The following SORCS1 variants were observed in gnomAD, a reference collection of about 807,000 sequenced individuals.
The protein encoded by SORCS1 is sortilin related VPS10 domain containing receptor 1.
In SORCS1, 60 loss-of-function variants were observed where a neutral mutation model predicts 146.1. The observed-to-expected ratio is 0.41, with a 90% CI of 0.33 to 0.51. SORCS1 has a LOEUF of 0.51. SORCS1 is among the 20% of genes least tolerant of loss of function. The pLI is 0.21. For synonymous variants in SORCS1, 637 were observed against 584.0 expected (o/e 1.09, Z -1.31); for missense variants, 1,352 against 1,487.6 (o/e 0.91, Z 1.50).
At chr10:106,719,033 TC>T (rs1589730559) in intron 6 of SORCS1, among the ~76,000 whole-genome samples, 1 of 152,104 alleles carries the variant, frequency 6.6e-6, no homozygotes, top group East Asian at 1.9e-4. Context: ...GTTCTCCAAG[TC>T]CCCACCCAAT....
At chr10:107,180,964 G>T in the SORCS1 span, among the ~76,000 whole-genome samples, 1 of 152,160 alleles carries the variant, frequency 6.6e-6, no homozygotes, top group Admixed American at 6.5e-5. Flanking sequence ...TAACACAATG[G>T]TAAGTATTTG....
At chr10:106,640,874 T>C (rs935571305) in intron 18 of SORCS1, among the ~76,000 whole-genome samples, 2 of 152,256 alleles carry the variant, frequency 1.3e-5, no homozygotes, top group East Asian at 3.8e-4. Context: ...ATGTCCGGCA[T>C]CTTAGACTCA....
intron 2 of SORCS1, among the ~76,000 whole-genome samples, chr10:106,948,961 CA>C (rs564056151): frequency 4.7e-4 from 64 of 136,152 alleles, no homozygotes; most frequent in Non-Finnish European, 4.7e-4. Context: ...ACTCTGTATC[CA>C]AAAAAAAAAA....
intron 3 of SORCS1, among the ~76,000 whole-genome samples, chr10:106,795,026 G>A (rs1398521459): frequency 1.3e-5 from 2 of 152,284 alleles, no homozygotes; most frequent in East Asian, 3.9e-4. Flanking sequence ...TATGAAATGA[G>A]GCTAACAATA....
At chr10:107,097,159 G>C (rs1487793540) in intron 1 of SORCS1, among the ~76,000 whole-genome samples, 4 of 152,174 alleles carry the variant, frequency 2.6e-5, no homozygotes, top group African/African-American at 9.6e-5. Context: ...TTTCAATAAA[G>C]GAACTGAATA....
chr10:106,909,845 C>T (rs954539649), intron 2 of SORCS1, among the ~76,000 whole-genome samples: 82 of 152,176 alleles, frequency 5.4e-4, no homozygotes, highest in African/African-American at 1.9e-3. Flanking sequence ...CAAATGATAC[C>T]TATCCACCCA....
chr10:106,598,385 C>T (rs2133323667), intron 23 of SORCS1, among the ~76,000 whole-genome samples: 1 of 151,942 alleles, frequency 6.6e-6, no homozygotes, highest in African/African-American at 2.4e-5. Flanking sequence ...CCTCAGCCTC[C>T]TGAGTAGTTG....
intron 23 of SORCS1, among the ~76,000 whole-genome samples, chr10:106,598,153 G>A (rs1346989306): frequency 6.6e-6 from 1 of 151,836 alleles, no homozygotes; most frequent in African/African-American, 2.4e-5. Context: ...TCTGTTTAGA[G>A]TAGAAAACCT....
At chr10:106,703,466 G>C (rs1854278393) in intron 8 of SORCS1, among the ~76,000 whole-genome samples, 1 of 152,156 alleles carries the variant, frequency 6.6e-6, no homozygotes, top group Admixed American at 6.5e-5. Context: ...TGGGTTCCCA[G>C]CAAGTTAAAA....
At chr10:106,712,436 C>A (rs962142623) in intron 6 of SORCS1, among the ~76,000 whole-genome samples, 1 of 152,016 alleles carries the variant, frequency 6.6e-6, no homozygotes, top group Non-Finnish European at 1.5e-5. Context: ...GATAAGAACT[C>A]GGATAAAACA....
chr10:106,993,889 A>G (rs1205746539), intron 1 of SORCS1, among the ~76,000 whole-genome samples: 1 of 152,002 alleles, frequency 6.6e-6, no homozygotes, highest in African/African-American at 2.4e-5. Flanking sequence ...CCTGGGCAAC[A>G]TGGTGAAACC....
At chr10:106,944,719 A>C (rs1011275133) in intron 2 of SORCS1, among the ~76,000 whole-genome samples, 5 of 152,130 alleles carry the variant, frequency 3.3e-5, no homozygotes, top group African/African-American at 1.2e-4. Context: ...CACAGAAAAT[A>C]AGACAGACAA....
At chr10:106,619,117 T>C (rs1327494119) in intron 20 of SORCS1, among the ~76,000 whole-genome samples, 1 of 152,130 alleles carries the variant, frequency 6.6e-6, no homozygotes, top group East Asian at 1.9e-4. Flanking sequence ...CTTGAGAATC[T>C]GGTTTTCTTT....
At chr10:106,680,607 G>A (rs1223388272) in intron 10 of SORCS1, among the ~76,000 whole-genome samples, 1 of 152,158 alleles carries the variant, frequency 6.6e-6, no homozygotes, top group Non-Finnish European at 1.5e-5. Context: ...CAAATTATCT[G>A]ATTGAAATAT....
intron 1 of SORCS1, among the ~76,000 whole-genome samples, chr10:106,992,201 C>G (rs1226319409): frequency 7.2e-5 from 11 of 152,134 alleles, no homozygotes; most frequent in Admixed American, 7.2e-4. Context: ...CTTAAAAGCA[C>G]AGGCATGGTG....
At chr10:107,091,425 T>C (rs867247294) in intron 1 of SORCS1, among the ~76,000 whole-genome samples, 4 of 152,210 alleles carry the variant, frequency 2.6e-5, no homozygotes, top group Admixed American at 6.5e-5. Flanking sequence ...AGGAGGAGGA[T>C]GGCTGAGATT....
chr10:106,652,397 C>A lies in SORCS1; in HGVS notation c.2460G>T (p.Met820Ile), dbSNP rs979629140. The A allele has an allele frequency of 2.5e-6, 4 of 1,613,912 alleles. No individual in the cohort carries two copies. The highest frequency in any genetic ancestry group is 3.4e-6 in the Non-Finnish European group (4 of 1,179,942). Residue 820 changes from methionine (M) to isoleucine (I), a missense_variant, in exon 18 of 26, where the codon ATG (methionine) becomes ATT (isoleucine). This residue lies in a region of SORCS1 where 648 missense variants were observed against 793.8 expected (regional missense o/e 0.82). Transcript: ENST00000263054. Reference sequence around the variant, plus strand: ...TCAGTCCTACCTCTTCTAATTGCACCATGAGAGTGACGTTGTGTCCTTGTT... The same window carrying A: ...TCAGTCCTACCTCTTCTAATTGCACAATGAGAGTGACGTTGTGTCCTTGTT... Reference protein sequence around the residue: ...TAEQGHNVTLMVQLEEGDVQR... With the variant: ...TAEQGHNVTLIVQLEEGDVQR...
chr10:106,782,459 C>T (rs1417302432), intron 3 of SORCS1, among the ~76,000 whole-genome samples: 2 of 152,064 alleles, frequency 1.3e-5, no homozygotes, highest in African/African-American at 4.8e-5. Flanking sequence ...TAATTTCAGT[C>T]CTTCATATGT....
intron 1 of SORCS1, among the ~76,000 whole-genome samples, chr10:106,963,400 G>C (rs560684056): frequency 6.6e-6 from 1 of 151,956 alleles, no homozygotes; most frequent in Non-Finnish European, 1.5e-5. Context: ...CAGGTGTGAG[G>C]CACCGCACCC....
Sources: allele counts gnomAD v4.1 joint callset (sites outside exome capture counted in the v4.1 genomes callset), GRCh38; gene constraint gnomAD v4.1.1; regional missense constraint gnomAD v4.1.1; transcripts MANE v1.5; gene names NCBI Gene and HGNC (gene_info 2026-07-23, HGNC 2026-07-21).